The following HERPUD2 variants were observed in gnomAD, a reference collection of about 807,000 sequenced individuals.
HERPUD2 encodes HERPUD family member 2, also known as homocysteine-responsive endoplasmic reticulum-resident ubiquitin-like domain member 2 protein.
A neutral mutation model predicts 49.9 loss-of-function variants in HERPUD2; 13 were observed. The observed-to-expected ratio is 0.26, with a 90% CI of 0.17 to 0.41. The LOEUF is 0.41. HERPUD2 is among the 10% of genes least tolerant of loss of function. HERPUD2 has a pLI of 1.00. For missense variants in HERPUD2, 449 were observed against 492.2 expected, an observed-to-expected ratio of 0.91 and a Z score of 0.83; for synonymous variants, 172 against 171.4, an observed-to-expected ratio of 1.00 and a Z score of -0.03.
intron 5 of HERPUD2, among the ~76,000 whole-genome samples, chr7:35,657,788 G>A (rs367765180): frequency 7.3e-5 from 11 of 150,838 alleles, no homozygotes; most frequent in African/African-American, 1.9e-4. Context: ...GTGCTGTGGC[G>A]GGCGCCTGTA....
At chr7:35,675,138 A>G (rs984685420) in intron 2 of HERPUD2, among the ~76,000 whole-genome samples, 2 of 152,194 alleles carry the variant, frequency 1.3e-5, no homozygotes, top group African/African-American at 2.4e-5. Flanking sequence ...CCCCAGGTAG[A>G]TAGTGTCAGA....
intron 2 of HERPUD2, among the ~76,000 whole-genome samples, chr7:35,685,414 C>T (rs1786015884): frequency 6.6e-6 from 1 of 151,124 alleles, no homozygotes; most frequent in African/African-American, 2.4e-5. Flanking sequence ...ACCTCCGCCT[C>T]CCAGGCTTAA....
At position 35,635,176 on chromosome 7, in the gene HERPUD2, A is replaced by G; in HGVS notation, c.900T>C (p.Ser300=). The change falls in exon 7 of 9, where the codon AGT becomes AGC. Residue 300 remains serine, a synonymous_variant. Transcript: ENST00000311350. The stretch of plus-strand genomic sequence containing the variant: ...TGGCTCCCATTACCATGATAAACCG[A>G]CTAAAAGAAGAATAGAAGTATACAA... ...LSIVYFYSSF[S]RFIMVMGAML... The G allele has an allele frequency of 6.2e-7, 1 of 1,614,114 alleles. No homozygotes were observed. The highest frequency in any genetic ancestry group is 8.5e-7 in the Non-Finnish European group (1 of 1,179,962).
intron 6 of HERPUD2, among the ~76,000 whole-genome samples, chr7:35,635,976 C>T (rs1179639339): frequency 6.6e-6 from 1 of 152,160 alleles, no homozygotes; most frequent in South Asian, 2.1e-4. Flanking sequence ...GATAACAACC[C>T]TTCCACCCCA....
chr7:35,674,396 TATATATATAGAGAGAGAGAGAG>T lies in HERPUD2; in HGVS notation c.148-1140_148-1119del, dbSNP rs1562682712. Among the ~76,000 whole-genome samples, 5 of 59,702 alleles carry T rather than the reference TATATATATAGAGAGAGAGAGAG, an allele frequency of 8.4e-5. 1 individual carries two copies. The East Asian group carries it at 1.3e-3, about 16-fold the overall frequency. The allele number at this position is 59,702 out of a possible 152,430, so 39.2% of individuals were successfully genotyped here. A position where few individuals can be genotyped will look rare whatever the true frequency, so the allele number is the denominator to read the frequency against. ...CTTACAACCTATATATATATATATA[TATATATATAGAGAGAGAGAGAG>T]AGAGAGAGAGAGAGAGAGAGAGAGA... On this transcript the variant is annotated intron_variant, in intron 2 of 8. Transcript: ENST00000311350.
At chr7:35,645,591 T>C (rs1207666274) in intron 5 of HERPUD2, among the ~76,000 whole-genome samples, 1 of 152,218 alleles carries the variant, frequency 6.6e-6, no homozygotes, top group Non-Finnish European at 1.5e-5. Context: ...ACTGTGACTT[T>C]AAACAAAATG....
intron 2 of HERPUD2, among the ~76,000 whole-genome samples, chr7:35,686,041 A>G (rs956045385): frequency 1.3e-5 from 2 of 152,148 alleles, no homozygotes; most frequent in African/African-American, 4.8e-5. Context: ...AATGACAATA[A>G]TCAACTGAAT....
At chr7:35,654,692 T>A (rs1248032800) in intron 5 of HERPUD2, among the ~76,000 whole-genome samples, 9 of 134,972 alleles carry the variant, frequency 6.7e-5, no homozygotes, top group South Asian at 2.4e-4. Context: ...TTTTTTTTTT[T>A]AAAGACAGAA....
intron 2 of HERPUD2, among the ~76,000 whole-genome samples, chr7:35,682,009 GA>G (rs1284865440): frequency 3.9e-5 from 6 of 152,078 alleles, no homozygotes; most frequent in African/African-American, 1.4e-4. Context: ...CCTGCATTAA[GA>G]AAAACTGTTA....
At chr7:35,688,376 TG>T (rs1408939245) in intron 2 of HERPUD2, among the ~76,000 whole-genome samples, 1 of 152,214 alleles carries the variant, frequency 6.6e-6, no homozygotes, top group Admixed American at 6.5e-5. Flanking sequence ...TAATGTTCTC[TG>T]GAACTCCAAA....
intron 5 of HERPUD2, among the ~76,000 whole-genome samples, chr7:35,642,478 TAA>T (rs2115845603): frequency 6.6e-6 from 1 of 152,200 alleles, no homozygotes; most frequent in East Asian, 1.9e-4. Context: ...CAAAGAAATA[TAA>T]ATCATTCTAT....
intron 5 of HERPUD2, among the ~76,000 whole-genome samples, chr7:35,652,544 G>C (rs1328942979): frequency 6.6e-6 from 1 of 151,388 alleles, no homozygotes; most frequent in Non-Finnish European, 1.5e-5. Context: ...TTACAGGCCA[G>C]GAGAGAATAG....
intron 5 of HERPUD2, among the ~76,000 whole-genome samples, chr7:35,662,770 T>C (rs1785452094): frequency 6.6e-6 from 1 of 152,222 alleles, no homozygotes; most frequent in Non-Finnish European, 1.5e-5. Flanking sequence ...TTTTGTTCTT[T>C]ATTAGTCTTG....
chr7:35,680,610 A>C (rs1260784884), intron 2 of HERPUD2, among the ~76,000 whole-genome samples: 1 of 151,988 alleles, frequency 6.6e-6, no homozygotes, highest in Non-Finnish European at 1.5e-5. Context: ...TTAGCTCCCA[A>C]GCTCTCTCAA....
At chr7:35,683,732 C>T (rs964574021) in intron 2 of HERPUD2, among the ~76,000 whole-genome samples, 25 of 151,868 alleles carry the variant, frequency 1.6e-4, no homozygotes, top group African/African-American at 6.0e-4. Flanking sequence ...AAAAAAAATC[C>T]CATCAAAAAG....
intron 5 of HERPUD2, among the ~76,000 whole-genome samples, chr7:35,662,359 G>C (rs1480182052): frequency 6.6e-6 from 1 of 152,172 alleles, no homozygotes; most frequent in Non-Finnish European, 1.5e-5. Flanking sequence ...TCTCTGCCAG[G>C]CTTTGGTATC....
chr7:35,652,473 A>C (rs1785187072), intron 5 of HERPUD2, among the ~76,000 whole-genome samples: 1 of 152,192 alleles, frequency 6.6e-6, no homozygotes, highest in African/African-American at 2.4e-5. Context: ...AGAGAAAAGC[A>C]TCCAGTCACT....
chr7:35,663,128 C>A (rs1024699486), intron 5 of HERPUD2, among the ~76,000 whole-genome samples: 1 of 152,124 alleles, frequency 6.6e-6, no homozygotes, highest in Non-Finnish European at 1.5e-5. Flanking sequence ...TCGTTATGTA[C>A]CCAGTAGTCA....
At chr7:35,644,295 A>G (rs1252707049) in intron 5 of HERPUD2, among the ~76,000 whole-genome samples, 2 of 152,078 alleles carry the variant, frequency 1.3e-5, no homozygotes, top group Admixed American at 1.3e-4. Flanking sequence ...GAATTTAATC[A>G]GGCCCTAGAT....
Sources: gnomAD v4.1 joint callset for allele counts (sites outside exome capture counted in the v4.1 genomes callset) on GRCh38, gnomAD v4.1.1 for gene constraint, MANE v1.5 for transcripts, NCBI Gene and HGNC (gene_info 2026-07-23, HGNC 2026-07-21) for gene names.